Variants in KICS2 observed in about 807,000 individuals in gnomAD.
The protein encoded by KICS2 is KICSTOR subunit 2.
KICS2 carries 13 observed loss-of-function variants against 31.4 expected under a neutral mutation model. That is an observed-to-expected ratio of 0.41 (90% CI 0.27 to 0.66). The LOEUF (loss-of-function observed/expected upper bound fraction) is 0.66. Ranked by LOEUF, KICS2 falls within the 30% of genes least tolerant of loss-of-function variation. The probability of loss-of-function intolerance (pLI) is 0.28; values close to 1 mark genes in which losing one functional copy is unlikely to be tolerated. For missense variants in KICS2, 455 were observed against 545.4 expected (o/e 0.83, Z 1.65); for synonymous variants, 209 against 214.8 (o/e 0.97, Z 0.24).
At chr12:64,203,157 A>C (rs976748142) in intron 2 of KICS2, among the ~76,000 whole-genome samples, 4 of 152,152 alleles carry the variant, frequency 2.6e-5, no homozygotes, top group African/African-American at 7.2e-5. Context: ...CTTTGTCTCT[A>C]GAACTTTATG....
intron 1 of KICS2, among the ~76,000 whole-genome samples, chr12:64,219,117 CTCATG>C (rs2136709178): frequency 6.6e-6 from 1 of 152,296 alleles, no homozygotes; most frequent in East Asian, 1.9e-4. Flanking sequence ...TCAAGTTCAT[CTCATG>C]TCATGAAATT....
chr12:64,195,372 A>G (rs2037424131), intron 2 of KICS2, among the ~76,000 whole-genome samples: 1 of 152,246 alleles, frequency 6.6e-6, no homozygotes, highest in Non-Finnish European at 1.5e-5. Flanking sequence ...GAATGTGTAG[A>G]TGACACATAT....
chr12:64,219,556 G>A (rs1043186519), intron 1 of KICS2, among the ~76,000 whole-genome samples: 2 of 152,046 alleles, frequency 1.3e-5, no homozygotes, highest in Non-Finnish European at 2.9e-5. Context: ...CCATCCATAA[G>A]AGAGGTAAAA....
chr12:64,218,786 C>T (rs996938234), intron 1 of KICS2, among the ~76,000 whole-genome samples: 7 of 151,516 alleles, frequency 4.6e-5, no homozygotes, highest in African/African-American at 1.7e-4. Flanking sequence ...ACAAAGAATA[C>T]CTTTAAAAGC....
intron 2 of KICS2, among the ~76,000 whole-genome samples, chr12:64,196,194 G>A (rs2037435207): frequency 6.6e-6 from 1 of 151,950 alleles, no homozygotes; most frequent in Admixed American, 6.5e-5. Context: ...AGACTTAAAT[G>A]TCCCTGTCTG....
intron 2 of KICS2, among the ~76,000 whole-genome samples, chr12:64,213,005 C>T (rs2037596434): frequency 1.3e-5 from 2 of 150,280 alleles, no homozygotes; most frequent in South Asian, 2.1e-4. Context: ...GTGGGAAGGT[C>T]GCTGAGCCCT....
chr12:64,221,887 G>T, intron 1 of KICS2, 116 bp downstream of exon 1: 1 of 1,144,306 alleles, frequency 8.7e-7, no homozygotes, highest in Non-Finnish European at 1.2e-6. Flanking sequence ...TGGGAATGCC[G>T]AGTCGAGCCT....
intron 2 of KICS2, among the ~76,000 whole-genome samples, chr12:64,204,100 G>A (rs1161059659): frequency 2.0e-5 from 3 of 152,226 alleles, no homozygotes; most frequent in African/African-American, 4.8e-5. Context: ...GCAAACTAAC[G>A]TAGGAACAGA....
At chr12:64,205,657 G>A (rs1211395261) in intron 2 of KICS2, among the ~76,000 whole-genome samples, 1 of 146,494 alleles carries the variant, frequency 6.8e-6, no homozygotes, top group Non-Finnish European at 1.5e-5. Context: ...AAGGAAGGGA[G>A]GGAGGGAGGG....
At chr12:64,218,784 T>C (rs1445347236) in intron 1 of KICS2, among the ~76,000 whole-genome samples, 1 of 151,170 alleles carries the variant, frequency 6.6e-6, no homozygotes, top group Non-Finnish European at 1.5e-5. Flanking sequence ...ATACAAAGAA[T>C]ACCTTTAAAA....
At chr12:64,195,932 C>T (rs1386319740) in intron 2 of KICS2, among the ~76,000 whole-genome samples, 2 of 152,186 alleles carry the variant, frequency 1.3e-5, no homozygotes, top group African/African-American at 4.8e-5. Flanking sequence ...ATATCCCACA[C>T]CTGGCTTGGA....
At position 64,205,826 on chromosome 12, in the gene KICS2, T is replaced by C. The variant is rs796254848; in HGVS notation, c.521+9852A>G. ...GTTCGCTCCATAGAATAGAGGAAAA[T>C]ATAAAATGAATAGATTTGTGTAATA... is the stretch of plus-strand genomic sequence containing the variant. On this transcript the variant is annotated intron_variant, in intron 2 of 2. Coordinates refer to ENST00000398055, the MANE Select transcript of KICS2 (RefSeq NM_152440.5). Among the ~76,000 whole-genome samples, 23 of 100,748 alleles carry C rather than the reference T, an allele frequency of 2.3e-4. 1 individual carries two copies. Among genetic ancestry groups the C allele is most frequent in the African/African-American group, 7.6e-4 (22 of 29,002 alleles). 66.1% of individuals were successfully genotyped at this position (100,748 alleles called of 152,430 possible). A position where few individuals can be genotyped will look rare whatever the true frequency, so the allele number is the denominator to read the frequency against.
intron 1 of KICS2, among the ~76,000 whole-genome samples, chr12:64,218,166 C>T (rs1369955285): frequency 6.6e-6 from 1 of 152,230 alleles, no homozygotes; most frequent in East Asian, 1.9e-4. Context: ...GTTTGCCTTC[C>T]TCCCATGCCC....
Position 64,222,171 on chromosome 12 carries a change from A to T in KICS2, c.67T>A (p.Ser23Thr). The T allele has an allele frequency of 6.2e-7, 1 of 1,614,068 alleles. No individual in the cohort carries two copies. The highest frequency in any genetic ancestry group is 1.7e-5 in the Admixed American group (1 of 60,018). The change falls in exon 1 of 3, where the codon TCT (serine) becomes ACT (threonine). Residue 23 changes from serine (S) to threonine (T), a missense_variant. By Grantham distance (58) the Ser-to-Thr change is moderately conservative. Coordinates refer to ENST00000398055, the MANE Select transcript of KICS2 (RefSeq NM_152440.5). ...TCGTAAGAGAAGATACCCAGGTGAG[A>T]GAAGAACGTCTCCAGCACCGCCTGT... ...VEQAVLETFFSHLGIFSYDKA... is the reference protein window; with the variant it reads ...VEQAVLETFFTHLGIFSYDKA...
At chr12:64,201,618 A>C (rs7138097) in intron 2 of KICS2, among the ~76,000 whole-genome samples, 7 of 102,904 alleles carry the variant, frequency 6.8e-5, no homozygotes, top group South Asian at 3.5e-4. Flanking sequence ...AAAAAAAAAA[A>C]GAAAAAAAAA....
intron 2 of KICS2, among the ~76,000 whole-genome samples, chr12:64,208,072 C>T (rs57378562): frequency 0.018 from 2,796 of 152,254 alleles, 82 homozygotes; most frequent in African/African-American, 0.064. Context: ...TGCAGTGGTG[C>T]GATCTCAGCT....
At chr12:64,216,262 G>A (rs1399433324) in intron 1 of KICS2, among the ~76,000 whole-genome samples, 1 of 151,284 alleles carries the variant, frequency 6.6e-6, no homozygotes, top group Non-Finnish European at 1.5e-5. Context: ...TGTACAATTT[G>A]CTTACCCATG....
At chr12:64,217,011 T>C (rs1169549790) in intron 1 of KICS2, among the ~76,000 whole-genome samples, 1 of 152,214 alleles carries the variant, frequency 6.6e-6, no homozygotes, top group East Asian at 1.9e-4. Flanking sequence ...TCTAAACATA[T>C]ACCTGTAATT....
intron 2 of KICS2, among the ~76,000 whole-genome samples, chr12:64,207,927 G>A (rs1444776520): frequency 6.6e-6 from 1 of 152,128 alleles, no homozygotes; most frequent in South Asian, 2.1e-4. Context: ...ATCCTTATGA[G>A]GAACATATTG....
Sources: gnomAD v4.1 joint callset for allele counts (sites outside exome capture counted in the v4.1 genomes callset) on GRCh38, gnomAD v4.1.1 for gene constraint, MANE v1.5 for transcripts, NCBI Gene and HGNC (gene_info 2026-07-23, HGNC 2026-07-21) for gene names.